Variants in CACNB2 observed in about 807,000 individuals in gnomAD.
The protein encoded by CACNB2 is voltage-dependent L-type calcium channel subunit beta-2.
CACNB2 carries 42 observed loss-of-function variants against 73.3 expected under a neutral mutation model. The ratio of observed to expected loss-of-function variants is 0.57; its 90% CI spans 0.45 to 0.74. The LOEUF is 0.74. CACNB2 is among the 30% of genes least tolerant of loss of function. The pLI, the probability that CACNB2 is intolerant of heterozygous loss-of-function variation, is 0.00. For missense variants in CACNB2, 940 were observed against 853.0 expected, an observed-to-expected ratio of 1.10 and a Z score of -1.27; for synonymous variants, 348 against 310.3, an observed-to-expected ratio of 1.12 and a Z score of -1.28.
intron 2 of CACNB2, among the ~76,000 whole-genome samples, chr10:18,174,353 C>A (rs2033449919): frequency 7.8e-6 from 1 of 127,392 alleles, no homozygotes; most frequent in Non-Finnish European, 1.6e-5. Context: ...TCTTTTTTTC[C>A]TTCCTTCCTT....
intron 2 of CACNB2, among the ~76,000 whole-genome samples, chr10:18,251,812 C>T (rs1307816808): frequency 6.6e-6 from 1 of 152,056 alleles, no homozygotes; most frequent in African/African-American, 2.4e-5. Flanking sequence ...TGCTTTTAAA[C>T]CATCAGATCT....
chr10:18,240,017 A>G (rs937200835), intron 2 of CACNB2, among the ~76,000 whole-genome samples: 1 of 152,132 alleles, frequency 6.6e-6, no homozygotes, highest in Non-Finnish European at 1.5e-5. Context: ...ACAATCTCAC[A>G]TGACTTTTGG....
chr10:18,177,558 GAC>G (rs1317700829), intron 2 of CACNB2, among the ~76,000 whole-genome samples: 15 of 149,266 alleles, frequency 1.0e-4, no homozygotes, highest in African/African-American at 3.4e-4. Flanking sequence ...CAGCCTGGAA[GAC>G]ACAGCAAGAC....
intron 3 of CACNB2, among the ~76,000 whole-genome samples, chr10:18,485,873 G>T (rs549774008): frequency 3.3e-5 from 5 of 150,282 alleles, no homozygotes; most frequent in Non-Finnish European, 7.4e-5. Context: ...GTGAGCCACC[G>T]TGCCCAGCCT....
intron 3 of CACNB2, among the ~76,000 whole-genome samples, chr10:18,435,944 A>T (rs917476482): frequency 3.3e-5 from 5 of 152,234 alleles, no homozygotes; most frequent in African/African-American, 1.2e-4. Flanking sequence ...GGCCCAGAGC[A>T]TCTGTGAGCC....
At chr10:18,300,652 C>T (rs1028399777) in intron 2 of CACNB2, among the ~76,000 whole-genome samples, 1 of 152,032 alleles carries the variant, frequency 6.6e-6, no homozygotes, top group Non-Finnish European at 1.5e-5. Context: ...AGTTCAAGAC[C>T]AGCCTGGCCA....
At chr10:18,378,287 G>A (rs1201666367) in intron 2 of CACNB2, among the ~76,000 whole-genome samples, 2 of 152,208 alleles carry the variant, frequency 1.3e-5, no homozygotes, top group Non-Finnish European at 2.9e-5. Context: ...TTCTGAATGA[G>A]TGTTAATTGG....
At chr10:18,412,513 T>C (rs548307591) in intron 3 of CACNB2, among the ~76,000 whole-genome samples, 2 of 152,236 alleles carry the variant, frequency 1.3e-5, no homozygotes, top group East Asian at 1.9e-4. Flanking sequence ...AACTGATTTC[T>C]GTCTCCATCT....
rs182059360 is a variant in CACNB2, at chr10:18,237,540, C to G, written c.213+86565C>G. On this transcript the variant is annotated intron_variant, in intron 2 of 13. Coordinates refer to ENST00000324631, the MANE Select transcript of CACNB2 (RefSeq NM_201596.3). The stretch of plus-strand genomic sequence containing the variant: ...CAGAAATGGCATGGCCTTGCCAACA[C>G]CTTGATTTTGAATGTCTAGCCTCCA... Among the ~76,000 whole-genome samples the G allele has an allele frequency of 4.4e-3, 665 of 152,294 alleles. 4 individuals carry two copies. Among genetic ancestry groups the G allele is most frequent in the Non-Finnish European group, 5.6e-3 (381 of 68,016 alleles).
At chr10:18,452,151 T>C (rs1190358356) in intron 3 of CACNB2, among the ~76,000 whole-genome samples, 1 of 152,196 alleles carries the variant, frequency 6.6e-6, no homozygotes, top group Non-Finnish European at 1.5e-5. Flanking sequence ...CAGCTGGGCA[T>C]AGCGATGCAC....
At chr10:18,309,616 C>T (rs992637327) in intron 2 of CACNB2, among the ~76,000 whole-genome samples, 24 of 152,086 alleles carry the variant, frequency 1.6e-4, no homozygotes, top group Non-Finnish European at 2.4e-4. Context: ...CGCCACCATG[C>T]CCAGCTAATT....
At chr10:18,528,156 T>C (rs1419998240) in intron 10 of CACNB2, among the ~76,000 whole-genome samples, 1 of 152,234 alleles carries the variant, frequency 6.6e-6, no homozygotes. Flanking sequence ...CAGTTATATA[T>C]CAATAATGAA....
intron 2 of CACNB2, among the ~76,000 whole-genome samples, chr10:18,223,530 G>A (rs1305555134): frequency 1.3e-5 from 2 of 152,108 alleles, no homozygotes; most frequent in African/African-American, 4.8e-5. Flanking sequence ...TAAAAATGTA[G>A]TAGTTTTTAA....
chr10:18,201,798 C>T (rs2034894227), intron 2 of CACNB2, among the ~76,000 whole-genome samples: 1 of 152,118 alleles, frequency 6.6e-6, no homozygotes, highest in Non-Finnish European at 1.5e-5. Flanking sequence ...TTCTGGAACA[C>T]CAGAATGTAT....
intron 2 of CACNB2, among the ~76,000 whole-genome samples, chr10:18,267,010 GTA>G (rs763612032): frequency 1.1e-4 from 16 of 151,994 alleles, no homozygotes; most frequent in Non-Finnish European, 2.1e-4. Context: ...GTGTGTGTGT[GTA>G]TATATGTGTG....
chr10:18,353,579 A>G (rs916884785), intron 2 of CACNB2, among the ~76,000 whole-genome samples: 1 of 152,178 alleles, frequency 6.6e-6, no homozygotes, highest in Admixed American at 6.6e-5. Context: ...TTGATTCAGT[A>G]TAAGGTACAC....
rs1052221775 is a variant in CACNB2 at position 18,499,810 on chromosome 10, A to C, written c.457-1002A>C. 6.1e-4 allele frequency among the ~76,000 whole-genome samples: 91 copies of C among 150,106 alleles called. 2 individuals are homozygous for C. Among genetic ancestry groups the C allele is most frequent in the African/African-American group, 2.1e-3 (85 of 40,850 alleles). On this transcript the variant is annotated intron_variant, in intron 4 of 13. Coordinates refer to ENST00000324631, the MANE Select transcript of CACNB2 (RefSeq NM_201596.3). ...ACAGGGTAAAACCCCATCTCTAAAA[A>C]AAAAAAAAAAAAAAAAATTAACCTG...
chr10:18,372,266 G>A (rs1017408804), intron 2 of CACNB2, among the ~76,000 whole-genome samples: 1 of 152,188 alleles, frequency 6.6e-6, no homozygotes, highest in African/African-American at 2.4e-5. Context: ...TTTTAGACAT[G>A]AAGTCCTTGC....
intron 5 of CACNB2, 87 bp downstream of exon 5, chr10:18,501,035 T>C: frequency 7.8e-7 from 1 of 1,280,944 alleles, no homozygotes; most frequent in Non-Finnish European, 1.1e-6. Flanking sequence ...GTATCCTTTA[T>C]TATGTATTAA....
Sources: allele counts gnomAD v4.1 joint callset (sites outside exome capture counted in the v4.1 genomes callset), GRCh38; gene constraint gnomAD v4.1.1; transcripts MANE v1.5; gene names NCBI Gene and HGNC (gene_info 2026-07-23, HGNC 2026-07-21).